The following DIP2C variants were observed in gnomAD, a reference collection of about 807,000 sequenced individuals.
DIP2C encodes the protein disco-interacting protein 2 homolog C.
In DIP2C, 33 loss-of-function variants were observed where a neutral mutation model predicts 192.4. That is an observed-to-expected ratio of 0.17 (90% CI 0.13 to 0.23). DIP2C has a LOEUF of 0.23. Among genes scored for constraint, DIP2C ranks in the 10% least tolerant of loss-of-function variants. The pLI, the probability that DIP2C is intolerant of heterozygous loss-of-function variation, is 1.00. For synonymous variants in DIP2C, 979 were observed against 864.1 expected (o/e 1.13, Z -2.33); for missense variants, 1,537 against 2,110.1 (o/e 0.73, Z 5.32).
chr10:389,770 G>A (rs895087898), intron 13 of DIP2C, among the ~76,000 whole-genome samples: 5 of 152,248 alleles, frequency 3.3e-5, no homozygotes, highest in East Asian at 3.8e-4. Context: ...TCAGACCTCC[G>A]CGCTGTGCGG....
intron 1 of DIP2C, among the ~76,000 whole-genome samples, chr10:639,250 G>A (rs1320098871): frequency 2.1e-5 from 3 of 139,942 alleles, no homozygotes; most frequent in Non-Finnish European, 3.1e-5. Flanking sequence ...GCGTCAGGTC[G>A]GGGGGTGCTG....
chr10:570,441 G>A (rs1413849346), intron 1 of DIP2C, among the ~76,000 whole-genome samples: 1 of 152,128 alleles, frequency 6.6e-6, no homozygotes, highest in Non-Finnish European at 1.5e-5. Flanking sequence ...CTGATCCTGG[G>A]TCTGCATGAA....
chr10:418,844 T>C (rs2133140286), intron 6 of DIP2C, among the ~76,000 whole-genome samples: 1 of 152,372 alleles, frequency 6.6e-6, no homozygotes, highest in Non-Finnish European at 1.5e-5. Context: ...TCCTACAACA[T>C]TTACATTTTT....
intron 9 of DIP2C, among the ~76,000 whole-genome samples, chr10:404,208 GGA>G (rs1165933775): frequency 9.5e-6 from 1 of 104,830 alleles, no homozygotes; most frequent in Non-Finnish European, 2.0e-5. Flanking sequence ...ACTTCATTCT[GGA>G]TTTTTTTTTT....
chr10:674,153 GAT>G (rs1830773132), intron 1 of DIP2C, among the ~76,000 whole-genome samples: 1 of 152,088 alleles, frequency 6.6e-6, no homozygotes, highest in African/African-American at 2.4e-5. Flanking sequence ...CCAATTAAAA[GAT>G]ATAGACTGGC....
At chr10:438,436 AT>A (rs944494403) in intron 4 of DIP2C, among the ~76,000 whole-genome samples, 6 of 152,146 alleles carry the variant, frequency 3.9e-5, no homozygotes, top group Non-Finnish European at 7.3e-5. Context: ...TACAAATAAC[AT>A]TTTTTTACCA....
At position 399,228 on chromosome 10, in the gene DIP2C, C is replaced by T. The variant is rs768553524; in HGVS notation, c.1150-9G>A. Reference sequence around the variant, plus strand: ...GGGAACACCAGTGCCACCTGTGGGACAGGCCAGAGCGGGTCAGCATTAACG... The same window carrying T: ...GGGAACACCAGTGCCACCTGTGGGATAGGCCAGAGCGGGTCAGCATTAACG... On this transcript the variant is annotated splice_polypyrimidine_tract_variant and intron_variant, in intron 9 of 36. Transcript: ENST00000280886. 4.2e-5 allele frequency: 67 copies of T among 1,613,026 alleles called. No individual in the cohort carries two copies. Among genetic ancestry groups the T allele is most frequent in the Non-Finnish European group, 5.2e-5 (61 of 1,179,236 alleles).
At chr10:433,496 G>A (rs1966929334) in intron 4 of DIP2C, among the ~76,000 whole-genome samples, 1 of 151,940 alleles carries the variant, frequency 6.6e-6, no homozygotes, top group Admixed American at 6.6e-5. Flanking sequence ...GGCCAACATA[G>A]TGAAACCCCA....
At chr10:377,509 T>C (rs1961761172) in intron 17 of DIP2C, among the ~76,000 whole-genome samples, 1 of 152,266 alleles carries the variant, frequency 6.6e-6, no homozygotes, top group African/African-American at 2.4e-5. Flanking sequence ...AACTACTCTG[T>C]AGTTAGAGAA....
At position 612,075 on chromosome 10, in the gene DIP2C, C is replaced by T. The variant is rs557025641; in HGVS notation, c.85+77419G>A. On this transcript the variant is annotated intron_variant, in intron 1 of 36. Transcript: ENST00000280886. ...CTTTGGGAGGCCAAGGTGAGCGCAT[C>T]ACCTGAGGTCAGGAGTTCGAGACAG... Among the ~76,000 whole-genome samples the T allele has an allele frequency of 3.8e-4, 58 of 152,148 alleles. 2 individuals carry two copies. The highest frequency in any genetic ancestry group is 6.9e-4 in the Non-Finnish European group (47 of 68,032).
Position 364,498 on chromosome 10 carries a change from C to T in DIP2C, c.2353G>A (p.Gly785Ser), listed in dbSNP as rs1271885588. ...ATCTTGCCCACCACGAAGACGAGGC[C>T]TCCGGGACCCACGAACCCCAGCAAG... The part of the protein sequence containing the change: ...TGLLGFVGPG[G>S]LVFVVGKMDG... The change falls in exon 20 of 37, where the codon GGC becomes AGC. Residue 785 changes from glycine (G) to serine (S), a missense_variant. Physicochemically the swap from Gly to Ser is moderately conservative, Grantham distance 56. Coordinates refer to ENST00000280886, the MANE Select transcript of DIP2C (RefSeq NM_014974.3). 4.3e-6 allele frequency: 7 copies of T among 1,614,194 alleles called. No homozygotes were observed. The highest frequency in any genetic ancestry group is 3.3e-4 in the Middle Eastern group (2 of 6,062).
chr10:622,253 T>G (rs1379424093), intron 1 of DIP2C, among the ~76,000 whole-genome samples: 1 of 107,444 alleles, frequency 9.3e-6, no homozygotes, highest in Non-Finnish European at 2.0e-5. Context: ...CCAGGAGAGA[T>G]GGTAGGGGGA....
chr10:424,355 GTTTTTTTTTT>G (rs557255878), intron 4 of DIP2C, among the ~76,000 whole-genome samples: 6 of 83,110 alleles, frequency 7.2e-5, no homozygotes, highest in African/African-American at 1.4e-4. Context: ...ATCACCTTGG[GTTTTTTTTTT>G]TTTTTTTTTT....
Position 395,097 on chromosome 10 carries a change from GGGGGGGAGGGAGGAGTT to G in DIP2C, c.1260+3995_1260+4011del, listed in dbSNP as rs1332729532. ...GAATAGAATGGTGACCACGAGGGCTGGGGGGGAGGGAGGAGTTGGGGGGAGGGAGGAGTTGGGGGAGG... is the reference window on the plus strand; with the variant it reads ...GAATAGAATGGTGACCACGAGGGCTGGGGGGGAGGGAGGAGTTGGGGGAGG... On this transcript the variant is annotated intron_variant, in intron 10 of 36. Transcript: ENST00000280886. Among the ~76,000 whole-genome samples, 437 of 115,464 alleles carry G rather than the reference GGGGGGGAGGGAGGAGTT, an allele frequency of 3.8e-3. 2 individuals are homozygous for G. Among genetic ancestry groups the G allele is most frequent in the Admixed American group, 5.6e-3 (58 of 10,272 alleles). The allele number at this position is 115,464 out of a possible 152,430, so 75.7% of individuals were successfully genotyped here. A position where few individuals can be genotyped will look rare whatever the true frequency, so the allele number is the denominator to read the frequency against.
chr10:577,901 T>C (rs10128281), intron 1 of DIP2C, among the ~76,000 whole-genome samples: 8,367 of 152,118 alleles, frequency 0.055, 292 homozygotes, highest in Admixed American at 0.083. Context: ...TATTTCTCCA[T>C]GGTAGAACCT....
At chr10:353,891 T>A (rs1388229594) in intron 24 of DIP2C, among the ~76,000 whole-genome samples, 1 of 152,228 alleles carries the variant, frequency 6.6e-6, no homozygotes, top group East Asian at 1.9e-4. Flanking sequence ...AATGCATGAT[T>A]CTGTATGTGG....
intron 1 of DIP2C, among the ~76,000 whole-genome samples, chr10:607,068 G>A (rs574433439): frequency 2.6e-5 from 4 of 152,164 alleles, no homozygotes; most frequent in East Asian, 1.9e-4. Context: ...GTCCGTACAT[G>A]CCTGGGCCCA....
Position 472,447 on chromosome 10 carries a change from T to C in DIP2C, c.260A>G (p.Tyr87Cys), listed in dbSNP as rs1384559704. The change falls in exon 3 of 37, where the codon TAT (tyrosine) becomes TGT (cysteine). Residue 87 changes from tyrosine (Y) to cysteine (C), a missense_variant. Tyr to Cys is a radical substitution (Grantham distance 194). This residue lies in a region of DIP2C where 473 missense variants were observed against 539.6 expected (regional missense o/e 0.88). Transcript: ENST00000280886. ...RRSSGSRDERYRSDVHTEAVQ... is the reference protein window; with the variant it reads ...RRSSGSRDERCRSDVHTEAVQ... ...CCCCACCCCGTGCTTACCTGACCGA[T>C]AGCGCTCATCTCGTGACCCTGAAGA... 2.5e-6 allele frequency: 4 copies of C among 1,613,868 alleles called. No homozygotes were observed. Among genetic ancestry groups the C allele is most frequent in the Non-Finnish European group, 2.5e-6 (3 of 1,179,958 alleles).
At chr10:417,145 G>A (rs1343995316) in intron 6 of DIP2C, among the ~76,000 whole-genome samples, 8 of 152,140 alleles carry the variant, frequency 5.3e-5, no homozygotes, top group Admixed American at 5.2e-4. Context: ...TGGTTCAGAT[G>A]AATCATACCA....
Sources: gnomAD v4.1 joint callset for allele counts (sites outside exome capture counted in the v4.1 genomes callset) on GRCh38, gnomAD v4.1.1 for gene constraint, gnomAD v4.1.1 regional missense constraint, MANE v1.5 for transcripts, NCBI Gene and HGNC (gene_info 2026-07-23, HGNC 2026-07-21) for gene names.